GATAD2B: variants seen among roughly 807,000 people sequenced by gnomAD.
GATAD2B encodes the protein transcriptional repressor p66-beta.
Under a neutral mutation model 64.3 loss-of-function variants are expected in GATAD2B, and 8 were observed. That is an observed-to-expected ratio of 0.12 (90% CI 0.07 to 0.22). The LOEUF is 0.22. Among genes scored for constraint, GATAD2B ranks in the 10% least tolerant of loss-of-function variants. The pLI is 1.00. For missense variants in GATAD2B, 453 were observed against 752.0 expected (o/e 0.60, Z 4.65); for synonymous variants, 281 against 271.3 (o/e 1.04, Z -0.35).
rs140507155 is a variant in GATAD2B at position 153,874,201 on chromosome 1, G to A, written c.-1-45853C>T. ...CGCTTGAACCCAGGAGGCAGAGGTT[G>A]CAATGAGCTGAGATAGTGCCACTGC... On this transcript the variant is annotated intron_variant, in intron 1 of 10. Transcript: ENST00000368655. Among the ~76,000 whole-genome samples, 1,441 of 148,372 alleles carry A rather than the reference G, an allele frequency of 9.7e-3. 14 individuals carry two copies. The highest frequency in any genetic ancestry group is 0.083 in the Middle Eastern group (21 of 254).
intron 1 of GATAD2B, among the ~76,000 whole-genome samples, chr1:153,878,447 A>G (rs1676903860): frequency 6.6e-6 from 1 of 152,158 alleles, no homozygotes; most frequent in African/African-American, 2.4e-5. Flanking sequence ...CCTTAAAGAA[A>G]GTAATAACCT....
chr1:153,885,839 G>A (rs1048567960), intron 1 of GATAD2B, among the ~76,000 whole-genome samples: 1 of 149,392 alleles, frequency 6.7e-6, no homozygotes, highest in Admixed American at 6.7e-5. Flanking sequence ...CTCCAGCCTG[G>A]GCGACAGAGC....
At chr1:153,910,374 T>C (rs1678079889) in intron 1 of GATAD2B, among the ~76,000 whole-genome samples, 1 of 152,178 alleles carries the variant, frequency 6.6e-6, no homozygotes. Context: ...CAAGTACACA[T>C]ACAACCATTC....
In GATAD2B at chr1:153,810,090, C is replaced by T. The variant is rs1297883080; in HGVS notation, c.*87G>A. On this transcript the variant is annotated 3_prime_UTR_variant, in exon 11 of 11. Coordinates refer to ENST00000368655, the MANE Select transcript of GATAD2B (RefSeq NM_020699.4). ...TTTCCGTGTATGGTAGGCACCAGTACAGGCACTGCATGCGACAGAAGTTGG... is the reference window on the plus strand; with the variant it reads ...TTTCCGTGTATGGTAGGCACCAGTATAGGCACTGCATGCGACAGAAGTTGG... 3.8e-6 allele frequency: 5 copies of T among 1,317,502 alleles called. No homozygotes were observed. In the African/African-American group the frequency reaches 7.4e-5, roughly 20 times the overall value. The allele number at this position is 1,317,502 out of a possible 1,614,324, so 81.6% of individuals were successfully genotyped here.
At chr1:153,912,771 C>G (rs1011241466) in intron 1 of GATAD2B, among the ~76,000 whole-genome samples, 1 of 152,082 alleles carries the variant, frequency 6.6e-6, no homozygotes, top group Non-Finnish European at 1.5e-5. Flanking sequence ...TAGGAGTGAA[C>G]ATCATTCAGA....
chr1:153,870,194 A>T (rs1570976060), intron 1 of GATAD2B, among the ~76,000 whole-genome samples: 1 of 151,962 alleles, frequency 6.6e-6, no homozygotes, highest in East Asian at 1.9e-4. Context: ...CAAAAGATCC[A>T]CCTGCCTCGG....
In GATAD2B at chr1:153,807,532, C is replaced by T. The variant is rs1248680391; in HGVS notation, c.*2645G>A. On this transcript the variant is annotated 3_prime_UTR_variant, in exon 11 of 11. Transcript: ENST00000368655. Reference sequence around the variant, plus strand: ...CCTCAGCGGTTGAACAAAGGGTCACCGAGCTATACTAGTCAAGAAGCAGCT... The same window carrying T: ...CCTCAGCGGTTGAACAAAGGGTCACTGAGCTATACTAGTCAAGAAGCAGCT... The T allele has an allele frequency of 2.6e-5, 4 of 152,106 alleles. No individual in the cohort carries two copies. Among genetic ancestry groups the T allele is most frequent in the East Asian group, 1.9e-4 (1 of 5,204 alleles). 9.4% of individuals were successfully genotyped at this position (152,106 alleles called of 1,614,324 possible).
chr1:153,836,690 A>T (rs1405757604), intron 1 of GATAD2B, among the ~76,000 whole-genome samples: 1 of 152,160 alleles, frequency 6.6e-6, no homozygotes, highest in Non-Finnish European at 1.5e-5. Context: ...TCTTAAGTAC[A>T]CATAGCAAGA....
At chr1:153,866,222 AAAAT>A (rs1159566847) in intron 1 of GATAD2B, among the ~76,000 whole-genome samples, 1 of 151,792 alleles carries the variant, frequency 6.6e-6, no homozygotes, top group Non-Finnish European at 1.5e-5. Flanking sequence ...AAAAAAAAAA[AAAAT>A]TCATAGCTCT....
At chr1:153,855,238 G>T (rs71626790) in intron 1 of GATAD2B, among the ~76,000 whole-genome samples, 1,096 of 92,730 alleles carry the variant, frequency 0.012, 6 homozygotes, top group Non-Finnish European at 0.024. Flanking sequence ...TTTTTTTTTT[G>T]TTGTTGTTGT....
intron 1 of GATAD2B, among the ~76,000 whole-genome samples, chr1:153,913,676 T>C (rs888484505): frequency 1.3e-5 from 2 of 152,146 alleles, no homozygotes; most frequent in Admixed American, 6.5e-5. Context: ...CTCAGCACTT[T>C]GGGAGGCCAA....
intron 1 of GATAD2B, chr1:153,852,718 A>AAGTGAAGCTTGGTAGACAGGG: frequency 2.1e-6 from 2 of 932,762 alleles, no homozygotes; most frequent in Non-Finnish European, 1.8e-6. Context: ...TGCTCATACG[A>AAGTGAAGCTTGGTAGACAGGG]AGTGAAGCTT....
chr1:153,867,559 A>G (rs552185873), intron 1 of GATAD2B, among the ~76,000 whole-genome samples: 2 of 152,182 alleles, frequency 1.3e-5, no homozygotes, highest in Admixed American at 6.6e-5. Flanking sequence ...CAGTAACTAA[A>G]AGAGTCACAT....
intron 1 of GATAD2B, among the ~76,000 whole-genome samples, chr1:153,879,488 G>A (rs888709702): frequency 1.3e-5 from 2 of 152,102 alleles, no homozygotes; most frequent in African/African-American, 4.8e-5. Context: ...ATCAGGCCGG[G>A]TGCAGTGGCT....
chr1:153,817,576 A>T (rs1410476111), intron 5 of GATAD2B, 34 bp from the exon 6 acceptor site: 1 of 1,524,952 alleles, frequency 6.6e-7, no homozygotes. Flanking sequence ...AACTAATCAC[A>T]GGTTGTACGC....
At chr1:153,905,982 G>A (rs1444037284) in intron 1 of GATAD2B, among the ~76,000 whole-genome samples, 1 of 149,378 alleles carries the variant, frequency 6.7e-6, no homozygotes, top group Non-Finnish European at 1.5e-5. Flanking sequence ...CAGGAGAATC[G>A]CTTGAAACTG....
chr1:153,861,898 C>T (rs1676307855), intron 1 of GATAD2B, among the ~76,000 whole-genome samples: 1 of 146,240 alleles, frequency 6.8e-6, no homozygotes, highest in African/African-American at 2.5e-5. Context: ...ATGCATATCA[C>T]TAAAGTTTAG....
intron 1 of GATAD2B, among the ~76,000 whole-genome samples, chr1:153,917,920 G>A (rs1228336584): frequency 6.6e-6 from 1 of 152,210 alleles, no homozygotes. Context: ...TTTAAAGAAA[G>A]GAAGGATAAG....
At chr1:153,878,137 A>G (rs1407111686) in intron 1 of GATAD2B, among the ~76,000 whole-genome samples, 3 of 150,148 alleles carry the variant, frequency 2.0e-5, no homozygotes, top group Non-Finnish European at 3.0e-5. Flanking sequence ...CAGAACAACC[A>G]TTGTGGTAGG....
Sources: gnomAD v4.1 joint callset for allele counts (sites outside exome capture counted in the v4.1 genomes callset) on GRCh38, gnomAD v4.1.1 for gene constraint, MANE v1.5 for transcripts, NCBI Gene and HGNC (gene_info 2026-07-23, HGNC 2026-07-21) for gene names.